Variants in NSD3 observed in about 807,000 individuals in gnomAD.
The protein encoded by NSD3 is nuclear receptor binding SET domain protein 3.
A neutral mutation model predicts 160.8 loss-of-function variants in NSD3; 24 were observed. The observed-to-expected ratio is 0.15, with a 90% CI of 0.11 to 0.21. NSD3 has a LOEUF of 0.21. Ranked by LOEUF, NSD3 falls within the 10% of genes least tolerant of loss-of-function variation. NSD3 has a pLI of 1.00. For missense variants in NSD3, 1,157 were observed against 1,735.9 expected, an observed-to-expected ratio of 0.67 and a Z score of 5.93; for synonymous variants, 520 against 600.0, an observed-to-expected ratio of 0.87 and a Z score of 1.95.
At chr8:38,307,948 CAG>C (rs1235555376) in intron 12 of NSD3, among the ~76,000 whole-genome samples, 1 of 152,092 alleles carries the variant, frequency 6.6e-6, no homozygotes, top group Non-Finnish European at 1.5e-5. Flanking sequence ...GACACATAAA[CAG>C]ATAATTCACA....
rs758163047 is a variant in NSD3 at position 38,317,165 on chromosome 8, C to T, written c.1856-1123G>A. On this transcript the variant is annotated intron_variant, in intron 9 of 23. Transcript: ENST00000317025. This position sits in a 1 kb window ranked among gnomAD's most constrained non-coding sequence, Gnocchi z 5.3. ...GAGAGTAGCACTTGGAACATAGCCA[C>T]GTTCTGTGGTGGAGGAGGTGGGCCT... 23 of 1,063,194 alleles carry T rather than the reference C, an allele frequency of 2.2e-5. No individual in the cohort carries two copies. Among genetic ancestry groups the T allele is most frequent in the Non-Finnish European group, 2.4e-5 (21 of 877,812 alleles). The allele number at this position is 1,063,194 out of a possible 1,614,324, so 65.9% of individuals were successfully genotyped here. A position where few individuals can be genotyped will look rare whatever the true frequency, so the allele number is the denominator to read the frequency against.
Position 38,319,041 on chromosome 8 carries a change from G to T in NSD3, c.1810-101C>A. The T allele has an allele frequency of 1.9e-6, 2 of 1,029,106 alleles. No homozygotes were observed. Among genetic ancestry groups the T allele is most frequent in the African/African-American group, 1.6e-5 (1 of 61,538 alleles). 63.7% of individuals were successfully genotyped at this position (1,029,106 alleles called of 1,614,324 possible). A position where few individuals can be genotyped will look rare whatever the true frequency, so the allele number is the denominator to read the frequency against. On this transcript the variant is annotated intron_variant, in intron 8 of 23. Coordinates refer to ENST00000317025, the MANE Select transcript of NSD3 (RefSeq NM_023034.2). The surrounding 1 kb of genome is among the most constrained non-coding windows in gnomAD (Gnocchi z 4.1). ...TTCATCAATCTAAGCAATGATGAGT[G>T]ATTAATGTATCTGAAATCTGAACTC...
intron 1 of NSD3, among the ~76,000 whole-genome samples, chr8:38,351,264 A>G (rs1167493751): frequency 6.6e-6 from 1 of 151,134 alleles, no homozygotes; most frequent in East Asian, 2.0e-4. Flanking sequence ...GGTGTGAGCC[A>G]CCATGCCTGG....
At chr8:38,332,363 C>A (rs1009431145) in intron 4 of NSD3, among the ~76,000 whole-genome samples, 5 of 151,850 alleles carry the variant, frequency 3.3e-5, no homozygotes, top group Non-Finnish European at 5.9e-5. Flanking sequence ...TCTTGAACTC[C>A]TGGGCTCAAG....
At chr8:38,331,384 G>C in intron 5 of NSD3, 47 bp downstream of exon 5, 4 of 1,458,486 alleles carry the variant, frequency 2.7e-6, no homozygotes, top group Non-Finnish European at 3.6e-6. Context: ...AAATTATTAA[G>C]TTCTTTAAAA....
intron 1 of NSD3, among the ~76,000 whole-genome samples, chr8:38,369,414 G>GA (rs1320178334): frequency 6.6e-6 from 1 of 152,116 alleles, no homozygotes; most frequent in Admixed American, 6.5e-5. Flanking sequence ...CAACAATTAA[G>GA]AAAAACTCAT....
At chr8:38,281,641 TAATGACACA>T in intron 19 of NSD3, 58 bp from the exon 20 acceptor site, 6 of 1,162,824 alleles carry the variant, frequency 5.2e-6, no homozygotes, top group Non-Finnish European at 7.5e-6. Context: ...AAGCATTGCT[TAATGACACA>T]TGTATAACCC....
chr8:38,292,320 A>C (rs1419281155), intron 16 of NSD3, among the ~76,000 whole-genome samples: 1 of 152,240 alleles, frequency 6.6e-6, no homozygotes, highest in African/African-American at 2.4e-5. Flanking sequence ...TGACACTATT[A>C]ACATTAGATG....
chr8:38,296,674 CTGTGTGTGTGTGTGTGTGTGTGTGTG>C (rs57485296), intron 15 of NSD3, among the ~76,000 whole-genome samples: 197 of 142,290 alleles, frequency 1.4e-3, no homozygotes, highest in African/African-American at 5.0e-3. Context: ...CTCTCTCCCT[CTGTGTGTGTGTGTGTGTGTGTGTGTG>C]TGTGTGTGTG....
intron 1 of NSD3, 104 bp downstream of exon 1, chr8:38,381,695 T>C: frequency 6.7e-6 from 1 of 150,366 alleles, no homozygotes; most frequent in Non-Finnish European, 1.5e-5. Flanking sequence ...GGTCGCCCCC[T>C]CCCCGTCGTT....
At chr8:38,371,439 A>C (rs1178627560) in intron 1 of NSD3, among the ~76,000 whole-genome samples, 1 of 152,230 alleles carries the variant, frequency 6.6e-6, no homozygotes, top group African/African-American at 2.4e-5. Flanking sequence ...ACAAAGCCAC[A>C]TTACCTAATT....
intron 1 of NSD3, among the ~76,000 whole-genome samples, chr8:38,362,264 G>T (rs1317173759): frequency 5.6e-5 from 3 of 53,622 alleles, no homozygotes; most frequent in Non-Finnish European, 9.4e-5. Flanking sequence ...GGCGGGGGGG[G>T]GGGGGGGGGC....
chr8:38,338,619 G>A lies in NSD3; in HGVS notation c.676-12C>T. The A allele has an allele frequency of 1.2e-6, 2 of 1,606,894 alleles. No homozygotes were observed. The highest frequency in any genetic ancestry group is 1.7e-6 in the Non-Finnish European group (2 of 1,173,842). On this transcript the variant is annotated splice_polypyrimidine_tract_variant and intron_variant, in intron 2 of 23. Transcript: ENST00000317025. ...CTCTCATTTGGTCTCTAGGTGAAAA[G>A]GTATAGGTAAGTAGAATAAAATGGC...
At position 38,329,607 on chromosome 8, in the gene NSD3, C is replaced by A. The variant is rs143479259; in HGVS notation, c.1352G>T (p.Ser451Ile). 2.2e-5 allele frequency: 35 copies of A among 1,614,100 alleles called. No individual in the cohort carries two copies. Among genetic ancestry groups the A allele is most frequent in the Non-Finnish European group, 3.0e-5 (35 of 1,180,048 alleles). Residue 451 changes from serine (S) to isoleucine (I), a missense_variant, in exon 6 of 24, where the codon AGC (serine) becomes ATC (isoleucine). Coordinates refer to ENST00000317025, the MANE Select transcript of NSD3 (RefSeq NM_023034.2). The surrounding 1 kb of genome is among the most constrained non-coding windows in gnomAD (Gnocchi z 4.8). ...SLSSTEIRRH[S>I]QRRHTSAEEE... is the part of the protein sequence containing the mutation. ...TTCCGCACTTGTGTGCCGCCTCTGG[C>A]TATGTCTCCGAATTTCAGTACTTGA... is the stretch of plus-strand genomic sequence containing the variant.
At chr8:38,379,583 T>G (rs756792085) in intron 1 of NSD3, among the ~76,000 whole-genome samples, 3 of 152,206 alleles carry the variant, frequency 2.0e-5, no homozygotes, top group Non-Finnish European at 4.4e-5. Context: ...GAGGGTGCTT[T>G]TAGTGTAAAA....
chr8:38,349,760 T>C (rs1234750988), intron 1 of NSD3, among the ~76,000 whole-genome samples: 1 of 150,688 alleles, frequency 6.6e-6, no homozygotes, highest in Non-Finnish European at 1.5e-5. Context: ...TATGCATACA[T>C]GTGCCATGTT....
In NSD3 at chr8:38,288,378, T is replaced by G. The variant is rs1808915331; in HGVS notation, c.3501+109A>C. ...ACTCTCAACATGGAAAGTTTTAACA[T>G]TTTACCACAAATTCCTGCTGATTTT... On this transcript the variant is annotated intron_variant, in intron 19 of 23. Coordinates refer to ENST00000317025, the MANE Select transcript of NSD3 (RefSeq NM_023034.2). This position sits in a 1 kb window ranked among gnomAD's most constrained non-coding sequence, Gnocchi z 4.5. 6.9e-7 allele frequency: 1 copy of G among 1,456,722 alleles called. No homozygotes were observed. Among genetic ancestry groups the G allele is most frequent in the African/African-American group, 1.4e-5 (1 of 70,584 alleles). The allele number at this position is 1,456,722 out of a possible 1,614,324, so 90.2% of individuals were successfully genotyped here.
intron 4 of NSD3, among the ~76,000 whole-genome samples, chr8:38,334,077 A>G (rs1810143748): frequency 6.6e-6 from 1 of 152,264 alleles, no homozygotes; most frequent in African/African-American, 2.4e-5. Flanking sequence ...AATAGGCATC[A>G]TGCGTGGAAC....
intron 19 of NSD3, among the ~76,000 whole-genome samples, chr8:38,285,455 C>T (rs1176748084): frequency 6.6e-6 from 1 of 152,228 alleles, no homozygotes; most frequent in African/African-American, 2.4e-5. Context: ...GATTATTACA[C>T]TTTTCAGTGA....
Sources: gnomAD v4.1 joint callset for allele counts (sites outside exome capture counted in the v4.1 genomes callset) on GRCh38, gnomAD v4.1.1 for gene constraint, Gnocchi (gnomAD v3.1) non-coding constraint, MANE v1.5 for transcripts, NCBI Gene and HGNC (gene_info 2026-07-23, HGNC 2026-07-21) for gene names.